Variants in ARID1B observed in about 807,000 individuals in gnomAD.
ARID1B encodes the protein AT-rich interaction domain 1B.
A neutral mutation model predicts 212.3 loss-of-function variants in ARID1B; 30 were observed. The ratio of observed to expected loss-of-function variants is 0.14; its 90% CI spans 0.11 to 0.19. The LOEUF is 0.19. Among genes scored for constraint, ARID1B ranks in the 10% least tolerant of loss-of-function variants. The pLI is 1.00. For synonymous variants in ARID1B, 1,402 were observed against 1,301.7 expected (o/e 1.08, Z -1.66); for missense variants, 2,891 against 3,204.0 (o/e 0.90, Z 2.36).
chr6:156,869,388 T>G (rs1785947135), intron 2 of ARID1B, among the ~76,000 whole-genome samples: 1 of 152,330 alleles, frequency 6.6e-6, no homozygotes, highest in South Asian at 2.1e-4. Flanking sequence ...AATTTGAAAT[T>G]TGCATGTGAA....
chr6:157,022,422 C>G (rs955314263), intron 4 of ARID1B: 2 of 152,218 alleles, frequency 1.3e-5, no homozygotes, highest in Non-Finnish European at 2.9e-5. Flanking sequence ...CTTTCCTGTT[C>G]TTAATTAAAT....
rs73578046 is a variant in ARID1B at position 156,992,558 on chromosome 6, C to T, written c.2247+56982C>T. Among the ~76,000 whole-genome samples, 232 of 152,192 alleles carry T rather than the reference C, an allele frequency of 1.5e-3. 1 individual carries two copies. Among genetic ancestry groups the T allele is most frequent in the African/African-American group, 5.4e-3 (222 of 41,492 alleles). ...GTTTTCCTTATCAGAAAAGGCACCC[C>T]GGGAATGGAGGGGACAGACGGCTAG... is the stretch of plus-strand genomic sequence containing the variant. On this transcript the variant is annotated intron_variant, in intron 4 of 19. Coordinates refer to ENST00000636930, the MANE Select transcript of ARID1B (RefSeq NM_001374828.1).
chr6:156,828,898 C>G (rs1368827658), intron 1 of ARID1B, among the ~76,000 whole-genome samples: 5 of 152,168 alleles, frequency 3.3e-5, no homozygotes, highest in South Asian at 2.1e-4. Flanking sequence ...GGTGGGTGAG[C>G]TTAACTATCA....
intron 6 of ARID1B, among the ~76,000 whole-genome samples, chr6:157,114,499 G>A (rs1050441876): frequency 1.5e-5 from 2 of 134,328 alleles, no homozygotes; most frequent in African/African-American, 3.0e-5. Flanking sequence ...ACTCCAGCCT[G>A]GGCGACAGAG....
At chr6:157,077,379 A>G (rs1490531507) in intron 4 of ARID1B, among the ~76,000 whole-genome samples, 1 of 152,166 alleles carries the variant, frequency 6.6e-6, no homozygotes, top group African/African-American at 2.4e-5. Context: ...GTTCCTAAAA[A>G]TGTAGGCCCC....
intron 5 of ARID1B, among the ~76,000 whole-genome samples, chr6:157,097,331 C>G (rs1424565447): frequency 6.6e-6 from 1 of 151,996 alleles, no homozygotes. Context: ...GTGTTATTTC[C>G]CTCAAATTCC....
chr6:156,931,160 C>T (rs1791677912), intron 3 of ARID1B, among the ~76,000 whole-genome samples: 1 of 127,204 alleles, frequency 7.9e-6, no homozygotes, highest in African/African-American at 3.0e-5. Flanking sequence ...CACTGCACTA[C>T]AGCCTGGACT....
intron 4 of ARID1B, among the ~76,000 whole-genome samples, chr6:157,074,742 T>C (rs1042709579): frequency 1.3e-5 from 2 of 152,148 alleles, no homozygotes; most frequent in Non-Finnish European, 1.5e-5. Context: ...TTGAGACTCT[T>C]TATAGTGGAG....
chr6:157,198,835 T>C lies in ARID1B; in HGVS notation c.4407T>C (p.Tyr1469=), dbSNP rs748363079. ...GGCATGAACCTTATGGGCAGCAGTA[T>C]CCAGGCCAAGGCCCTCCCTCGGGAC... ...DRRHEPYGQQ[Y]PGQGPPSGQP... The change falls in exon 17 of 20, where the codon TAT becomes TAC. Residue 1469 remains tyrosine, a synonymous_variant. Coordinates refer to ENST00000636930, the MANE Select transcript of ARID1B (RefSeq NM_001374828.1). 2.0e-5 allele frequency: 33 copies of C among 1,612,214 alleles called. No individual in the cohort carries two copies. Among genetic ancestry groups the C allele is most frequent in the Non-Finnish European group, 7.6e-6 (9 of 1,179,348 alleles).
At chr6:156,829,690 G>A in intron 2 of ARID1B, 1 of 363,020 alleles carries the variant, frequency 2.8e-6, no homozygotes, top group Non-Finnish European at 5.0e-6. Flanking sequence ...TAAATTTGCA[G>A]CAGGTTATAA....
chr6:156,867,803 A>C (rs1785814111), intron 2 of ARID1B, among the ~76,000 whole-genome samples: 1 of 152,216 alleles, frequency 6.6e-6, no homozygotes, highest in Non-Finnish European at 1.5e-5. Flanking sequence ...TTTAAATCTC[A>C]GGCTGTTCAT....
intron 4 of ARID1B, among the ~76,000 whole-genome samples, chr6:156,998,865 C>T (rs1778757065): frequency 6.6e-6 from 1 of 152,174 alleles, no homozygotes; most frequent in African/African-American, 2.4e-5. Flanking sequence ...AGGAAGAAAG[C>T]GTTCTTTTCC....
chr6:156,905,834 C>A (rs147926756), intron 3 of ARID1B, among the ~76,000 whole-genome samples: 1 of 151,850 alleles, frequency 6.6e-6, no homozygotes, highest in Non-Finnish European at 1.5e-5. Context: ...TTTTTTATCA[C>A]GCTATTTTCT....
intron 4 of ARID1B, among the ~76,000 whole-genome samples, chr6:157,042,037 T>G (rs1229215565): frequency 6.6e-6 from 1 of 152,220 alleles, no homozygotes; most frequent in East Asian, 1.9e-4. Context: ...CTGGCCTCGA[T>G]TTCTCAGACT....
At chr6:157,143,188 G>A (rs570542757) in intron 7 of ARID1B, among the ~76,000 whole-genome samples, 16 of 152,266 alleles carry the variant, frequency 1.1e-4, no homozygotes, top group Non-Finnish European at 1.6e-4. Context: ...TGAAAACTGT[G>A]GGTCCTTGGA....
rs1416724255 is a variant in ARID1B at position 157,094,381 on chromosome 6, G to A, written c.2491+9476G>A. Among the ~76,000 whole-genome samples, 4 of 152,102 alleles carry A rather than the reference G, an allele frequency of 2.6e-5. No individual in the cohort carries two copies. In the East Asian group the frequency reaches 7.7e-4, roughly 29 times the overall value. ...TTTTATTACTTCTTTTTGAGAAGGAGTCTCACTCTGTCTTCCAGGCTAGAG... is the reference window on the plus strand; with the variant it reads ...TTTTATTACTTCTTTTTGAGAAGGAATCTCACTCTGTCTTCCAGGCTAGAG... On this transcript the variant is annotated intron_variant, in intron 5 of 19. Coordinates refer to ENST00000636930, the MANE Select transcript of ARID1B (RefSeq NM_001374828.1). The surrounding 1 kb of genome is among the most constrained non-coding windows in gnomAD (Gnocchi z 4.3).
intron 2 of ARID1B, among the ~76,000 whole-genome samples, chr6:156,840,882 A>G (rs1428472452): frequency 6.6e-6 from 1 of 152,226 alleles, no homozygotes; most frequent in Non-Finnish European, 1.5e-5. Flanking sequence ...ATTATGTCTC[A>G]GAATGATCCC....
intron 2 of ARID1B, among the ~76,000 whole-genome samples, chr6:156,900,074 A>T (rs117901015): frequency 0.029 from 4,354 of 152,316 alleles, 104 homozygotes; most frequent in Non-Finnish European, 0.04. Context: ...ATTATGAGAT[A>T]TCAAGCTGTA....
chr6:156,793,347 T>A (rs1780140923), intron 1 of ARID1B, among the ~76,000 whole-genome samples: 1 of 151,908 alleles, frequency 6.6e-6, no homozygotes, highest in Admixed American at 6.6e-5. Flanking sequence ...CATTGTGGGA[T>A]TTTTTTTCCT....
Sources: gnomAD v4.1 joint callset for allele counts (sites outside exome capture counted in the v4.1 genomes callset) on GRCh38, gnomAD v4.1.1 for gene constraint, Gnocchi (gnomAD v3.1) non-coding constraint, MANE v1.5 for transcripts, NCBI Gene and HGNC (gene_info 2026-07-23, HGNC 2026-07-21) for gene names.